The following PTPRS variants were observed in gnomAD, a reference collection of about 807,000 sequenced individuals.
PTPRS encodes the protein receptor-type tyrosine-protein phosphatase S.
In PTPRS, 63 loss-of-function variants were observed where a neutral mutation model predicts 215.3. The observed-to-expected ratio is 0.29, with a 90% confidence interval of 0.24 to 0.36. The LOEUF is 0.36. Ranked by LOEUF, PTPRS falls within the 10% of genes least tolerant of loss-of-function variation. PTPRS has a pLI of 1.00. For synonymous variants in PTPRS, 1,404 were observed against 1,191.4 expected (o/e 1.18, Z -3.68); for missense variants, 2,258 against 2,825.8 (o/e 0.80, Z 4.56).
rs1013184354 is a variant in PTPRS at position 5,306,924 on chromosome 19, C to G, written c.-94-20690G>C. ...GAAATCTACCCGGCAGACACTTTCC[C>G]GTGAAATGACACGTGGAGAAAGTAC... is the stretch of plus-strand genomic sequence containing the variant. On this transcript the variant is annotated intron_variant, in intron 1 of 37. Transcript: ENST00000262963. Among the ~76,000 whole-genome samples the G allele has an allele frequency of 2.6e-5, 4 of 152,294 alleles. No individual in the cohort carries two copies. The East Asian group carries it at 7.7e-4, about 29-fold the overall frequency.
In PTPRS at chr19:5,273,624, G is replaced by A. The variant is rs746634981; in HGVS notation, c.238-41C>T. 17 of 1,611,742 alleles carry A rather than the reference G, an allele frequency of 1.1e-5. No individual in the cohort carries two copies. In the Admixed American group the frequency reaches 1.5e-4, roughly 14 times the overall value. On this transcript the variant is annotated intron_variant, in intron 3 of 37. Transcript: ENST00000262963. ...GAAAAAAGAACAGAGTGAGGCTGGGGTCCCAGGAAGGTTCCTGTCTAGGCT... is the reference window on the plus strand; with the variant it reads ...GAAAAAAGAACAGAGTGAGGCTGGGATCCCAGGAAGGTTCCTGTCTAGGCT...
At chr19:5,220,194 G>A in intron 21 of PTPRS, 40 bp from the exon 22 acceptor site, 1 of 1,608,198 alleles carries the variant, frequency 6.2e-7, no homozygotes, top group Non-Finnish European at 8.5e-7. Flanking sequence ...AGCTCAGCTG[G>A]GAGCAACAGA....
chr19:5,293,097 G>A lies in PTPRS; in HGVS notation c.-94-6863C>T, dbSNP rs1408340205. 1 of 151,820 alleles carries A rather than the reference G, an allele frequency of 6.6e-6. No individual in the cohort carries two copies. Among genetic ancestry groups the A allele is most frequent in the Non-Finnish European group, 1.5e-5 (1 of 67,854 alleles). The allele number at this position is 151,820 out of a possible 1,614,324, so 9.4% of individuals were successfully genotyped here. ...CGCGACAAGAGAGACAAAGCCCGGG[G>A]CGGCCCGGGCCTCGGGGTGGAAGGG... On this transcript the variant is annotated intron_variant, in intron 1 of 37. Transcript: ENST00000262963. This position sits in a 1 kb window ranked among gnomAD's most constrained non-coding sequence, Gnocchi z 8.4.
intron 5 of PTPRS, 78 bp from the exon 6 acceptor site, chr19:5,263,050 GC>G: frequency 1.2e-6 from 1 of 833,038 alleles, no homozygotes; most frequent in South Asian, 1.8e-5. Context: ...TATGTCCTCA[GC>G]GAGGAGGGGA....
Position 5,339,616 on chromosome 19 carries a change from G to C in PTPRS, c.-95+1048C>G, listed in dbSNP as rs1039611038. ...ATTTTAGGAGAGATTCCCATAAAGAGAGGTGAACTTGGCCGCAACCTGGCC... is the reference window on the plus strand; with the variant it reads ...ATTTTAGGAGAGATTCCCATAAAGACAGGTGAACTTGGCCGCAACCTGGCC... On this transcript the variant is annotated intron_variant, in intron 1 of 37. Transcript: ENST00000262963. This position sits in a 1 kb window ranked among gnomAD's most constrained non-coding sequence, Gnocchi z 4.2. 1.3e-5 allele frequency among the ~76,000 whole-genome samples: 2 copies of C among 152,038 alleles called. No individual in the cohort carries two copies. Among genetic ancestry groups the C allele is most frequent in the Non-Finnish European group, 2.9e-5 (2 of 67,954 alleles).
At chr19:5,319,312 G>A (rs1218750953) in intron 1 of PTPRS, among the ~76,000 whole-genome samples, 1 of 152,106 alleles carries the variant, frequency 6.6e-6, no homozygotes, top group Non-Finnish European at 1.5e-5. Context: ...TTGGGAGGCT[G>A]AGGTAGAAGG....
chr19:5,229,451 C>A, intron 15 of PTPRS, 40 bp downstream of exon 15: 1 of 1,382,506 alleles, frequency 7.2e-7, no homozygotes, highest in South Asian at 1.7e-5. Flanking sequence ...CCGTCCCCGC[C>A]CGGAGCCCGT....
At chr19:5,271,645 G>A (rs1425653307) in intron 4 of PTPRS, among the ~76,000 whole-genome samples, 3 of 151,682 alleles carry the variant, frequency 2.0e-5, no homozygotes, top group East Asian at 1.9e-4. Context: ...CGATCTGCCC[G>A]CCTTGGCCTC....
At chr19:5,259,716 C>T (rs1254065743) in intron 7 of PTPRS, among the ~76,000 whole-genome samples, 1 of 152,202 alleles carries the variant, frequency 6.6e-6, no homozygotes, top group African/African-American at 2.4e-5. Flanking sequence ...GAATCACAGG[C>T]TTCAATCACA....
In PTPRS at chr19:5,300,617, C is replaced by T. The variant is rs149810080; in HGVS notation, c.-94-14383G>A. Among the ~76,000 whole-genome samples the T allele has an allele frequency of 2.4e-4, 36 of 151,274 alleles. No homozygotes were observed. In the East Asian group the frequency reaches 6.0e-3, roughly 25 times the overall value. On this transcript the variant is annotated intron_variant, in intron 1 of 37. Coordinates refer to ENST00000262963, the MANE Select transcript of PTPRS (RefSeq NM_002850.4). ...GAGACCCCATCTCACCAAAAAATAC[C>T]AAAATTAGCCGGGCATGGTGGTGCA...
chr19:5,333,032 C>T (rs937539708), intron 1 of PTPRS, among the ~76,000 whole-genome samples: 3 of 151,672 alleles, frequency 2.0e-5, no homozygotes, highest in African/African-American at 7.3e-5. Context: ...GCCTGTAATC[C>T]CAGCTACTCG....
chr19:5,227,412 AAT>A (rs1491311645), intron 16 of PTPRS, among the ~76,000 whole-genome samples: 1 of 71,246 alleles, frequency 1.4e-5, no homozygotes, highest in African/African-American at 7.3e-5. Context: ...CAGCTGTAAC[AAT>A]TTTTTTTTTT....
chr19:5,255,910 C>T (rs936686150), intron 9 of PTPRS, among the ~76,000 whole-genome samples, 198 bp downstream of exon 9: 4 of 152,142 alleles, frequency 2.6e-5, no homozygotes, highest in African/African-American at 9.7e-5. Context: ...GCTCGCTTGG[C>T]GGTTTTTTGT....
intron 1 of PTPRS, among the ~76,000 whole-genome samples, chr19:5,317,287 C>G (rs929668309): frequency 6.6e-6 from 1 of 152,124 alleles, no homozygotes; most frequent in African/African-American, 2.4e-5. Flanking sequence ...GCCCGGCCAA[C>G]ATGGGGAAAC....
chr19:5,269,816 G>C (rs931433426), intron 4 of PTPRS, among the ~76,000 whole-genome samples: 57 of 151,620 alleles, frequency 3.8e-4, no homozygotes, highest in African/African-American at 1.2e-3. Flanking sequence ...AGCTACTCAG[G>C]AGGCTGAGCC....
At chr19:5,214,294 G>A in intron 30 of PTPRS, 67 bp downstream of exon 30, 1 of 1,606,618 alleles carries the variant, frequency 6.2e-7, no homozygotes, top group East Asian at 2.2e-5. Context: ...GGTAGAAGCT[G>A]GGGCCCTCTG....
chr19:5,277,879 T>C, intron 2 of PTPRS: 1 of 1,066,064 alleles, frequency 9.4e-7, no homozygotes, highest in Non-Finnish European at 1.4e-6. Flanking sequence ...TCGCAGAACG[T>C]TCAAGGGCCA....
In PTPRS at chr19:5,229,543, G is replaced by C; in HGVS notation, c.2297C>G (p.Ala766Gly). ...GATGCGCGGCGGCCCGCGGGCCTCG[G>C]CGCCCTCCATGCGCACGTAGTGGAC... ...YQVHYVRMEG[A>G]EARGPPRIKD... The change falls in exon 15 of 38, where the codon GCC (alanine) becomes GGC (glycine). Residue 766 changes from alanine (A) to glycine (G), a missense_variant. Around this residue, in one of 6 missense-constraint regions of PTPRS, gnomAD observed 371 missense variants for 446.7 expected, o/e 0.83. Transcript: ENST00000262963. 1 of 1,465,290 alleles carries C rather than the reference G, an allele frequency of 6.8e-7. No homozygotes were observed. The highest frequency in any genetic ancestry group is 9.0e-7 in the Non-Finnish European group (1 of 1,110,736). The allele number at this position is 1,465,290 out of a possible 1,614,324, so 90.8% of individuals were successfully genotyped here. A position where few individuals can be genotyped will look rare whatever the true frequency, so the allele number is the denominator to read the frequency against.
chr19:5,333,760 T>G (rs556733793), intron 1 of PTPRS, among the ~76,000 whole-genome samples: 1 of 152,170 alleles, frequency 6.6e-6, no homozygotes, highest in Non-Finnish European at 1.5e-5. Flanking sequence ...AACAGCTTTA[T>G]TACTAGCCCA....
Sources: allele counts gnomAD v4.1 joint callset (sites outside exome capture counted in the v4.1 genomes callset), GRCh38; gene constraint gnomAD v4.1.1; regional missense constraint gnomAD v4.1.1; non-coding constraint Gnocchi (gnomAD v3.1); transcripts MANE v1.5; gene names NCBI Gene and HGNC (gene_info 2026-07-23, HGNC 2026-07-21).